C10orf53: variants seen among roughly 807,000 people sequenced by gnomAD.
The protein encoded by C10orf53 is chromosome 10 open reading frame 53, also known as UPF0728 protein C10orf53.
In C10orf53, 8 loss-of-function variants were observed where a neutral mutation model predicts 9.4. The ratio of observed to expected loss-of-function variants is 0.85; its 90% CI spans 0.50 to 1.53. The LOEUF (loss-of-function observed/expected upper bound fraction) is 1.53, where lower values mean the gene tolerates loss of function less well. Among genes scored for constraint, C10orf53 ranks in the 40% most tolerant of loss-of-function variants. C10orf53 has a pLI of 0.00. For missense variants in C10orf53, 117 were observed against 117.8 expected (o/e 0.99, Z 0.03); for synonymous variants, 48 against 46.0 (o/e 1.04, Z -0.18).
chr10:49,693,372 C>A (rs749745258), intron 1 of C10orf53, among the ~76,000 whole-genome samples: 1 of 152,118 alleles, frequency 6.6e-6, no homozygotes, highest in African/African-American at 2.4e-5. Context: ...GTACGTACTG[C>A]CAAATTGCCC....
At chr10:49,703,993 G>A (rs1477174006) in intron 2 of C10orf53, among the ~76,000 whole-genome samples, 2 of 152,110 alleles carry the variant, frequency 1.3e-5, no homozygotes, top group Non-Finnish European at 2.9e-5. Flanking sequence ...AGGACAATTG[G>A]ACCACCATCT....
chr10:49,679,937 A>C, intron 1 of C10orf53, 143 bp downstream of exon 1: 1 of 757,926 alleles, frequency 1.3e-6, no homozygotes, highest in Non-Finnish European at 2.0e-6. Flanking sequence ...GTTGCAACCT[A>C]TGGCTTCCAG....
In C10orf53 at chr10:49,695,696, GGACAAA is replaced by G. The variant is rs1840628359; in HGVS notation, c.*1096_*1101del. On this transcript the variant is annotated 3_prime_UTR_variant, in exon 3 of 3. Coordinates refer to ENST00000374111, the MANE Select transcript of C10orf53 (RefSeq NM_001042427.3). ...GCTTGCACAAGTTCCTTCTCACACA[GGACAAA>G]GTAGGGGATATAATTTTTAAAACCC... 6.6e-6 allele frequency: 1 copy of G among 152,208 alleles called. No homozygotes were observed. The highest frequency in any genetic ancestry group is 1.5e-5 in the Non-Finnish European group (1 of 68,064). 9.4% of individuals were successfully genotyped at this position (152,208 alleles called of 1,614,324 possible). A position where few individuals can be genotyped will look rare whatever the true frequency, so the allele number is the denominator to read the frequency against.
In C10orf53 at chr10:49,694,652, G is replaced by C. The variant is rs1280222371; in HGVS notation, c.*50G>C. 8.1e-6 allele frequency: 13 copies of C among 1,613,270 alleles called. No individual in the cohort carries two copies. The highest frequency in any genetic ancestry group is 1.1e-5 in the Non-Finnish European group (13 of 1,179,706). On this transcript the variant is annotated 3_prime_UTR_variant, in exon 3 of 3. Transcript: ENST00000374111. ...AGTCGGCACAACAGCAGCTGCCCCA[G>C]CCATTCTATGATGCAGGCAGAAGTG...
chr10:49,702,069 C>T (rs112580074), downstream of C10orf53, among the ~76,000 whole-genome samples: 631 of 152,062 alleles, frequency 4.1e-3, 6 homozygotes, highest in African/African-American at 0.014. Flanking sequence ...TGGTGGTGGG[C>T]GCCTGTAATC....
chr10:49,685,056 G>A (rs970190960), intron 1 of C10orf53, among the ~76,000 whole-genome samples: 1 of 152,086 alleles, frequency 6.6e-6, no homozygotes, highest in African/African-American at 2.4e-5. Flanking sequence ...CTCTACCTCT[G>A]TCTGTAGCCT....
rs1840620634 is a variant in C10orf53, at chr10:49,694,922, A to G, written c.*320A>G. 9.1e-7 allele frequency: 1 copy of G among 1,104,424 alleles called. No individual in the cohort carries two copies. Among genetic ancestry groups the G allele is most frequent in the African/African-American group, 1.6e-5 (1 of 61,772 alleles). 68.4% of individuals were successfully genotyped at this position (1,104,424 alleles called of 1,614,324 possible). A position where few individuals can be genotyped will look rare whatever the true frequency, so the allele number is the denominator to read the frequency against. ...AAATAACAAGGTGCCATTCCTGACT[A>G]ATAACACATAGTTGCCAGAAGCATC... On this transcript the variant is annotated 3_prime_UTR_variant, in exon 3 of 3. Transcript: ENST00000374111.
At position 49,696,869 on chromosome 10, in the gene C10orf53, T is replaced by A. The variant is rs1355650235; in HGVS notation, c.*2267T>A. On this transcript the variant is annotated 3_prime_UTR_variant, in exon 3 of 3. Coordinates refer to ENST00000374111, the MANE Select transcript of C10orf53 (RefSeq NM_001042427.3). ...AATTGATTTTCACTTTGTATGTAAGTGTGTGTTAGGGGTACTTTTCAGATA... is the reference window on the plus strand; with the variant it reads ...AATTGATTTTCACTTTGTATGTAAGAGTGTGTTAGGGGTACTTTTCAGATA... Among the ~76,000 whole-genome samples, 2 of 152,172 alleles carry A rather than the reference T, an allele frequency of 1.3e-5. No homozygotes were observed. The highest frequency in any genetic ancestry group is 3.9e-4 in the East Asian group (2 of 5,184).
chr10:49,697,680 C>T (rs1277372054), downstream of C10orf53, among the ~76,000 whole-genome samples: 1 of 152,070 alleles, frequency 6.6e-6, no homozygotes, highest in Non-Finnish European at 1.5e-5. Flanking sequence ...GCCTCCTGAA[C>T]AGCTGGGATT....
exon 3 of C10orf53, chr10:49,708,819 T>A: frequency 2.9e-6 from 2 of 689,434 alleles, no homozygotes; most frequent in Non-Finnish European, 4.7e-6. Context: ...TCTCTACAAC[T>A]GTATTCCCGT....
intron 2 of C10orf53, among the ~76,000 whole-genome samples, chr10:49,707,920 A>G (rs1178606589): frequency 6.6e-6 from 1 of 151,962 alleles, no homozygotes; most frequent in Non-Finnish European, 1.5e-5. Context: ...TAACTGTCTT[A>G]AAGTTTTTCT....
chr10:49,692,928 C>A (rs1430589056), intron 1 of C10orf53, among the ~76,000 whole-genome samples: 3 of 152,212 alleles, frequency 2.0e-5, no homozygotes, highest in African/African-American at 7.2e-5. Context: ...TTATTATACG[C>A]AATCTGGAAA....
downstream of C10orf53, among the ~76,000 whole-genome samples, chr10:49,698,510 C>T (rs1840654910): frequency 6.6e-6 from 1 of 152,112 alleles, no homozygotes; most frequent in African/African-American, 2.4e-5. Flanking sequence ...TCATCCCCAG[C>T]CCTGCAAGCA....
chr10:49,694,678 G>A lies in C10orf53; in HGVS notation c.*76G>A. The A allele has an allele frequency of 6.2e-7, 1 of 1,608,896 alleles. No homozygotes were observed. Among genetic ancestry groups the A allele is most frequent in the Non-Finnish European group, 8.5e-7 (1 of 1,177,594 alleles). On this transcript the variant is annotated 3_prime_UTR_variant, in exon 3 of 3. Transcript: ENST00000374111. ...CCATTCTATGATGCAGGCAGAAGTG[G>A]CTGTGCCACGGTGTGGACACTGGGC...
chr10:49,686,221 A>G (rs1840526876), intron 1 of C10orf53, among the ~76,000 whole-genome samples: 1 of 152,230 alleles, frequency 6.6e-6, no homozygotes, highest in African/African-American at 2.4e-5. Context: ...TGAAGATTTC[A>G]TGGACATTTA....
In C10orf53 at chr10:49,696,390, TG is replaced by T. The variant is rs1840635187; in HGVS notation, c.*1791del. Among the ~76,000 whole-genome samples, 3 of 152,216 alleles carry T rather than the reference TG, an allele frequency of 2.0e-5. No individual in the cohort carries two copies. In the South Asian group the frequency reaches 6.2e-4, roughly 32 times the overall value. ...TAGCTTCCCCTGTCTGCATTTGGAGTGGGAACTTCATCTCCAAACACAGTGG... is the reference window on the plus strand; with the variant it reads ...TAGCTTCCCCTGTCTGCATTTGGAGTGGAACTTCATCTCCAAACACAGTGG... On this transcript the variant is annotated 3_prime_UTR_variant, in exon 3 of 3. Coordinates refer to ENST00000374111, the MANE Select transcript of C10orf53 (RefSeq NM_001042427.3).
rs1840637740 is a variant in C10orf53 at position 49,696,648 on chromosome 10, G to A, written c.*2046G>A. ...TCTAAGAAATACCGGAGAAGCTTCT[G>A]GGAGATGCCTGTGCCCAGAGCCCTA... On this transcript the variant is annotated 3_prime_UTR_variant, in exon 3 of 3. Coordinates refer to ENST00000374111, the MANE Select transcript of C10orf53 (RefSeq NM_001042427.3). Among the ~76,000 whole-genome samples the A allele has an allele frequency of 2.6e-5, 4 of 152,172 alleles. No individual in the cohort carries two copies. The South Asian group carries it at 8.3e-4, about 32-fold the overall frequency.
chr10:49,705,722 A>G (rs917993621), intron 2 of C10orf53, among the ~76,000 whole-genome samples: 2 of 152,218 alleles, frequency 1.3e-5, no homozygotes, highest in Non-Finnish European at 2.9e-5. Context: ...TATTTGGCAA[A>G]TGTTTCTTAT....
intron 2 of C10orf53, among the ~76,000 whole-genome samples, chr10:49,705,500 A>G (rs905413474): frequency 2.6e-5 from 4 of 152,230 alleles, no homozygotes; most frequent in Admixed American, 2.0e-4. Context: ...TGGATTAATA[A>G]GATAATTCAG....
Sources: gnomAD v4.1 joint callset for allele counts (sites outside exome capture counted in the v4.1 genomes callset) on GRCh38, gnomAD v4.1.1 for gene constraint, MANE v1.5 for transcripts, NCBI Gene and HGNC (gene_info 2026-07-23, HGNC 2026-07-21) for gene names.